Variants in MRTFA observed in about 807,000 individuals in gnomAD.
MRTFA encodes myocardin-related transcription factor A.
A neutral mutation model predicts 83.5 loss-of-function variants in MRTFA; 20 were observed. The ratio of observed to expected loss-of-function variants is 0.24; its 90% CI spans 0.17 to 0.35. The LOEUF is 0.35. Among genes scored for constraint, MRTFA ranks in the 10% least tolerant of loss-of-function variants. The pLI is 1.00. For missense variants in MRTFA, 1,200 were observed against 1,224.7 expected (o/e 0.98, Z 0.30); for synonymous variants, 659 against 541.2 (o/e 1.22, Z -3.02).
rs750496476 is a variant in MRTFA, at chr22:40,418,588, C to T, written c.2150G>A (p.Gly717Glu). ...CTGCTTCACCACCACGGACGGGGGC[C>T]CCGGGGCCACAGCACAAGGGTCTAT... The change falls in exon 12 of 15, where the codon GGG becomes GAG. Residue 717 changes from glycine to glutamate, a missense_variant. Transcript: ENST00000355630. 2.6e-6 allele frequency: 4 copies of T among 1,549,284 alleles called. No individual in the cohort carries two copies. Among genetic ancestry groups the T allele is most frequent in the East Asian group, 2.2e-5 (1 of 44,562 alleles).
intron 3 of MRTFA, among the ~76,000 whole-genome samples, chr22:40,523,161 A>G (rs930259196): frequency 2.3e-4 from 35 of 151,504 alleles, no homozygotes; most frequent in African/African-American, 6.0e-4. Context: ...GTGAACGTTT[A>G]TCTAACACAG....
intron 2 of MRTFA, among the ~76,000 whole-genome samples, chr22:40,582,553 C>A (rs538511926): frequency 6.6e-6 from 1 of 152,072 alleles, no homozygotes; most frequent in East Asian, 1.9e-4. Context: ...TGCTTTAATC[C>A]TCTTCCCAAA....
intron 7 of MRTFA, 49 bp downstream of exon 7, chr22:40,429,557 C>G (rs118064424): frequency 6.2e-7 from 1 of 1,610,960 alleles, no homozygotes; most frequent in African/African-American, 1.3e-5. Context: ...ACTCCCTCCC[C>G]TCCTGCATCT....
intron 2 of MRTFA, among the ~76,000 whole-genome samples, chr22:40,571,495 C>T (rs569315362): frequency 1.2e-4 from 18 of 152,038 alleles, no homozygotes; most frequent in Non-Finnish European, 2.4e-4. Context: ...AAAAAGAAAA[C>T]TCACAGATGA....
intron 4 of MRTFA, among the ~76,000 whole-genome samples, chr22:40,452,131 G>A (rs756530315): frequency 5.3e-5 from 8 of 151,766 alleles, no homozygotes; most frequent in Non-Finnish European, 1.2e-4. Context: ...CGACAGGCGC[G>A]TGCCATCACA....
intron 2 of MRTFA, among the ~76,000 whole-genome samples, chr22:40,563,747 T>G (rs1397227916): frequency 6.6e-6 from 1 of 152,176 alleles, no homozygotes; most frequent in Non-Finnish European, 1.5e-5. Flanking sequence ...TAAAACAAAG[T>G]TCTTGCCCTC....
intron 2 of MRTFA, among the ~76,000 whole-genome samples, chr22:40,588,406 C>T (rs1477907063): frequency 1.3e-5 from 2 of 152,166 alleles, no homozygotes; most frequent in Non-Finnish European, 2.9e-5. Flanking sequence ...AACAGTGACG[C>T]TATTGGCATT....
At chr22:40,415,878 C>T (rs1342470650) in intron 14 of MRTFA, among the ~76,000 whole-genome samples, 4 of 152,216 alleles carry the variant, frequency 2.6e-5, no homozygotes, top group South Asian at 2.1e-4. Context: ...TCCAGGACAC[C>T]GCACCCTGCC....
chr22:40,603,365 G>C (rs2056281711), intron 1 of MRTFA, among the ~76,000 whole-genome samples: 1 of 152,256 alleles, frequency 6.6e-6, no homozygotes, highest in Admixed American at 6.5e-5. Flanking sequence ...AAAAGTATCA[G>C]ATCTCCAAAT....
intron 4 of MRTFA, among the ~76,000 whole-genome samples, chr22:40,455,416 G>T (rs927294313): frequency 1.3e-4 from 19 of 151,934 alleles, no homozygotes; most frequent in Non-Finnish European, 4.4e-5. Flanking sequence ...GGAGGCTGAG[G>T]CGGGCGGATC....
intron 3 of MRTFA, among the ~76,000 whole-genome samples, chr22:40,485,182 G>A (rs2054155290): frequency 1.3e-5 from 2 of 152,060 alleles, no homozygotes; most frequent in Non-Finnish European, 2.9e-5. Context: ...ACACCTATCA[G>A]CAGAATGCTT....
intron 8 of MRTFA, 92 bp from the exon 9 acceptor site, chr22:40,423,777 C>A: frequency 8.2e-7 from 1 of 1,221,386 alleles, no homozygotes; most frequent in Non-Finnish European, 1.1e-6. Flanking sequence ...TCAGACGCCA[C>A]CATTGTCAGA....
intron 4 of MRTFA, among the ~76,000 whole-genome samples, chr22:40,437,193 A>C (rs367800696): frequency 6.6e-6 from 1 of 152,104 alleles, no homozygotes; most frequent in Non-Finnish European, 1.5e-5. Context: ...CACTTCTTAC[A>C]TGGGCAGGTC....
chr22:40,616,667 C>T (rs930528893), intron 1 of MRTFA, among the ~76,000 whole-genome samples: 1 of 152,094 alleles, frequency 6.6e-6, no homozygotes, highest in Non-Finnish European at 1.5e-5. Context: ...GACACAAGTG[C>T]CATTTACAGA....
At chr22:40,617,127 AAGAG>A (rs895366402) in intron 1 of MRTFA, among the ~76,000 whole-genome samples, 7 of 140,762 alleles carry the variant, frequency 5.0e-5, no homozygotes, top group African/African-American at 1.6e-4. Flanking sequence ...AGACGAAAGA[AAGAG>A]AGAGACGAGA....
At chr22:40,547,564 A>T (rs2055384906) in intron 3 of MRTFA, among the ~76,000 whole-genome samples, 1 of 152,176 alleles carries the variant, frequency 6.6e-6, no homozygotes, top group African/African-American at 2.4e-5. Flanking sequence ...AAATGATGTG[A>T]GAGAGAGGCT....
At chr22:40,599,488 T>C (rs1285275673) in intron 1 of MRTFA, among the ~76,000 whole-genome samples, 2 of 152,134 alleles carry the variant, frequency 1.3e-5, no homozygotes, top group Non-Finnish European at 2.9e-5. Flanking sequence ...AAAAATAAAC[T>C]TCCCACAAAG....
At position 40,420,969 on chromosome 22, in the gene MRTFA, G is replaced by A; in HGVS notation, c.1059C>T (p.Pro353=). The change falls in exon 10 of 15, where the codon CCC becomes CCT. Residue 353 remains proline (P), a synonymous_variant. Transcript: ENST00000355630. ...TCTTGGCGTAGGATGAGTCCATGGG[G>A]GGTGCCCCCCTGTCCTGCTTCTGGT... 2 of 1,613,054 alleles carry A rather than the reference G, an allele frequency of 1.2e-6. No individual in the cohort carries two copies. Among genetic ancestry groups the A allele is most frequent in the Non-Finnish European group, 1.7e-6 (2 of 1,179,252 alleles).
chr22:40,546,459 A>G (rs1016019162), intron 3 of MRTFA, among the ~76,000 whole-genome samples: 1 of 152,232 alleles, frequency 6.6e-6, no homozygotes, highest in African/African-American at 2.4e-5. Context: ...TCTGAGGGAG[A>G]AGCCAACCAT....
Sources: allele counts gnomAD v4.1 joint callset (sites outside exome capture counted in the v4.1 genomes callset), GRCh38; gene constraint gnomAD v4.1.1; transcripts MANE v1.5; gene names NCBI Gene and HGNC (gene_info 2026-07-23, HGNC 2026-07-21).